The following PACRG variants were observed in gnomAD, a reference collection of about 807,000 sequenced individuals.
The protein encoded by PACRG is parkin coregulated gene protein.
PACRG carries 29 observed loss-of-function variants against 29.7 expected under a neutral mutation model. The ratio of observed to expected loss-of-function variants is 0.98; its 90% CI spans 0.73 to 1.33. PACRG has a LOEUF of 1.33. PACRG is among the 40% of genes most tolerant of loss of function. The probability of loss-of-function intolerance (pLI) is 0.00; values close to 1 mark genes in which losing one functional copy is unlikely to be tolerated. For missense variants in PACRG, 279 were observed against 316.2 expected (o/e 0.88, Z 0.89); for synonymous variants, 116 against 118.7 (o/e 0.98, Z 0.15).
chr6:163,179,328 C>A, intron 4 of PACRG: 1 of 444,536 alleles, frequency 2.2e-6, no homozygotes, highest in South Asian at 1.6e-5. Context: ...GCCACTGCTC[C>A]CAAGACGAGG....
Position 163,239,667 on chromosome 6 carries a change from A to ACCC in PACRG, c.614-75156_614-75154dup, listed in dbSNP as rs1379516869. ...TGCCCCAACCCCTACACACACCCAC[A>ACCC]CCCCCCACCCCTACACACACACGCA... On this transcript the variant is annotated intron_variant, in intron 4 of 4. Coordinates refer to ENST00000366888, the MANE Select transcript of PACRG (RefSeq NM_001080379.2). 2.3e-3 allele frequency among the ~76,000 whole-genome samples: 235 copies of ACCC among 101,362 alleles called. 4 individuals carry two copies. The highest frequency in any genetic ancestry group is 3.0e-3 in the Non-Finnish European group (154 of 50,808). 66.5% of individuals were successfully genotyped at this position (101,362 alleles called of 152,430 possible).
intron 1 of PACRG, among the ~76,000 whole-genome samples, chr6:162,737,913 A>G (rs966915824): frequency 6.6e-6 from 1 of 152,052 alleles, no homozygotes; most frequent in Non-Finnish European, 1.5e-5. Flanking sequence ...CTCACTAACC[A>G]ATGTTTTCAC....
intron 1 of PACRG, among the ~76,000 whole-genome samples, chr6:162,755,101 TATG>T (rs1781801546): frequency 6.6e-6 from 1 of 152,202 alleles, no homozygotes; most frequent in Non-Finnish European, 1.5e-5. Context: ...ACTGGTTTCT[TATG>T]ATCCTTTGTA....
intron 2 of PACRG, among the ~76,000 whole-genome samples, chr6:162,897,185 CA>C (rs1164408616): frequency 1.3e-5 from 2 of 152,026 alleles, no homozygotes; most frequent in East Asian, 3.9e-4. Context: ...TGGAATTCCC[CA>C]AAAAATGTGC....
chr6:162,787,552 T>G (rs1784561198), intron 1 of PACRG, among the ~76,000 whole-genome samples: 1 of 132,830 alleles, frequency 7.5e-6, no homozygotes, highest in African/African-American at 2.9e-5. Context: ...TATATATATA[T>G]GGTTATTGTG....
intron 2 of PACRG, among the ~76,000 whole-genome samples, chr6:163,032,617 T>A (rs1807776362): frequency 6.6e-6 from 1 of 152,204 alleles, no homozygotes; most frequent in South Asian, 2.1e-4. Context: ...AAGAGTTTTT[T>A]ATAATTTTAG....
intron 2 of PACRG, among the ~76,000 whole-genome samples, chr6:162,878,669 A>AG (rs1486304858): frequency 6.6e-6 from 1 of 152,220 alleles, no homozygotes; most frequent in Non-Finnish European, 1.5e-5. Flanking sequence ...AAATAGTACT[A>AG]GGGAAATTTG....
At chr6:163,025,472 C>A (rs1289356132) in intron 2 of PACRG, among the ~76,000 whole-genome samples, 1 of 152,124 alleles carries the variant, frequency 6.6e-6, no homozygotes, top group Non-Finnish European at 1.5e-5. Context: ...ATCAAGAGCA[C>A]AATCTCACTT....
At chr6:163,177,247 C>A (rs1779406021) in intron 4 of PACRG, among the ~76,000 whole-genome samples, 1 of 152,164 alleles carries the variant, frequency 6.6e-6, no homozygotes, top group African/African-American at 2.4e-5. Flanking sequence ...CACATGAAAC[C>A]AGTAACTGGA....
chr6:162,976,252 G>A (rs1356619922), intron 2 of PACRG, among the ~76,000 whole-genome samples: 1 of 152,130 alleles, frequency 6.6e-6, no homozygotes, highest in African/African-American at 2.4e-5. Flanking sequence ...AAATAGAGAA[G>A]GAAAACGATT....
chr6:163,048,236 TTTC>T (rs1401107867), intron 2 of PACRG, among the ~76,000 whole-genome samples: 6 of 152,208 alleles, frequency 3.9e-5, no homozygotes, highest in Non-Finnish European at 8.8e-5. Context: ...AAATAATAAC[TTTC>T]TTCTTATCTC....
chr6:162,968,717 G>A (rs1053369404), intron 2 of PACRG, among the ~76,000 whole-genome samples: 2 of 152,106 alleles, frequency 1.3e-5, no homozygotes, highest in Admixed American at 1.3e-4. Flanking sequence ...AGAAAAGAAA[G>A]TGAGAGTCTG....
chr6:163,151,247 G>A (rs1431296730), intron 4 of PACRG, among the ~76,000 whole-genome samples: 1 of 152,166 alleles, frequency 6.6e-6, no homozygotes, highest in Admixed American at 6.5e-5. Flanking sequence ...CCGGATCTTG[G>A]TTTTTGTTGT....
chr6:163,112,800 T>C (rs1002730697), intron 4 of PACRG, among the ~76,000 whole-genome samples: 3 of 152,206 alleles, frequency 2.0e-5, no homozygotes, highest in Non-Finnish European at 4.4e-5. Flanking sequence ...AGAGTTACTA[T>C]GTCATTAGAT....
intron 2 of PACRG, among the ~76,000 whole-genome samples, chr6:162,921,114 A>G (rs1797032265): frequency 1.3e-5 from 2 of 152,252 alleles, no homozygotes; most frequent in Admixed American, 6.5e-5. Context: ...GTGTTTTTAC[A>G]TAAACAAACT....
chr6:163,018,498 GTTA>G (rs1368670452), intron 2 of PACRG, among the ~76,000 whole-genome samples: 1 of 152,180 alleles, frequency 6.6e-6, no homozygotes, highest in Non-Finnish European at 1.5e-5. Context: ...ATATTGGAAA[GTTA>G]TTATGGCTGA....
intron 1 of PACRG, among the ~76,000 whole-genome samples, chr6:162,729,535 G>T (rs908779956): frequency 6.6e-6 from 1 of 152,030 alleles, no homozygotes; most frequent in Non-Finnish European, 1.5e-5. Flanking sequence ...TCTTGGAAAT[G>T]GACTAAAATT....
intron 2 of PACRG, among the ~76,000 whole-genome samples, chr6:162,917,805 G>A (rs919271714): frequency 2.6e-5 from 4 of 152,024 alleles, no homozygotes; most frequent in African/African-American, 9.7e-5. Flanking sequence ...GATATTTGTT[G>A]AGCAAAAGAG....
At chr6:162,770,335 G>T (rs998724779) in intron 1 of PACRG, among the ~76,000 whole-genome samples, 2 of 152,084 alleles carry the variant, frequency 1.3e-5, no homozygotes, top group Non-Finnish European at 2.9e-5. Context: ...TAGCTCTTAG[G>T]TGCCTATCTG....
Sources: allele counts gnomAD v4.1 joint callset (sites outside exome capture counted in the v4.1 genomes callset), GRCh38; gene constraint gnomAD v4.1.1; transcripts MANE v1.5; gene names NCBI Gene and HGNC (gene_info 2026-07-23, HGNC 2026-07-21).